EPB41L4A: variants seen among roughly 807,000 people sequenced by gnomAD.
EPB41L4A encodes the protein band 4.1-like protein 4A.
A neutral mutation model predicts 108.6 loss-of-function variants in EPB41L4A; 100 were observed. The ratio of observed to expected loss-of-function variants is 0.92; its 90% CI spans 0.78 to 1.09. The LOEUF (loss-of-function observed/expected upper bound fraction) is 1.09, where lower values mean the gene tolerates loss of function less well. Ranked by LOEUF, EPB41L4A falls within the 50% of genes least tolerant of loss-of-function variation. The probability of loss-of-function intolerance (pLI) is 0.00; values close to 1 mark genes in which losing one functional copy is unlikely to be tolerated. For synonymous variants in EPB41L4A, 319 were observed against 289.0 expected, an observed-to-expected ratio of 1.10 and a Z score of -1.05; for missense variants, 1,030 against 842.7, an observed-to-expected ratio of 1.22 and a Z score of -2.75.
At chr5:112,208,437 G>A (rs531274940) in intron 13 of EPB41L4A, among the ~76,000 whole-genome samples, 2 of 151,978 alleles carry the variant, frequency 1.3e-5, no homozygotes, top group Non-Finnish European at 2.9e-5. Flanking sequence ...CAACACGGAC[G>A]CAACTGGAGG....
chr5:112,234,650 T>G lies in EPB41L4A; in HGVS notation c.1071A>C (p.Ala357=). The G allele has an allele frequency of 1.2e-6, 2 of 1,613,442 alleles. 1 individual carries two copies. The highest frequency in any genetic ancestry group is 1.7e-6 in the Non-Finnish European group (2 of 1,179,506). The part of the protein sequence containing the change: ...SRSKTYPKRI[A]QTQPAESNSI... ...ATGACTTACCAGCTGGCTGTGTTTG[T>G]GCTATTCGCTTAGGGTAAGTCTTGC... Residue 357 remains alanine (A), a synonymous_variant, in exon 12 of 23, where the codon GCA becomes GCC. Coordinates refer to ENST00000261486, the MANE Select transcript of EPB41L4A (RefSeq NM_022140.5).
At chr5:112,370,183 CCTGT>C (rs1759398832) in intron 1 of EPB41L4A, among the ~76,000 whole-genome samples, 2 of 151,572 alleles carry the variant, frequency 1.3e-5, no homozygotes, top group South Asian at 2.1e-4. Flanking sequence ...CACCACCAAG[CCTGT>C]CTAATTTTTT....
At chr5:112,323,331 T>C (rs1355996636) in intron 1 of EPB41L4A, among the ~76,000 whole-genome samples, 1 of 152,200 alleles carries the variant, frequency 6.6e-6, no homozygotes, top group African/African-American at 2.4e-5. Flanking sequence ...GACACATGCC[T>C]AGGCTTGGTA....
intron 1 of EPB41L4A, among the ~76,000 whole-genome samples, chr5:112,320,237 G>T (rs994265979): frequency 2.0e-5 from 3 of 152,020 alleles, no homozygotes; most frequent in African/African-American, 7.3e-5. Flanking sequence ...CTTTTTCAGA[G>T]ACCAGTGAAG....
intron 9 of EPB41L4A, among the ~76,000 whole-genome samples, chr5:112,246,718 CTG>C (rs1750256896): frequency 6.6e-6 from 1 of 152,164 alleles, no homozygotes; most frequent in Non-Finnish European, 1.5e-5. Context: ...CCTATTTTGT[CTG>C]TGTTATCTGA....
chr5:112,378,798 G>A (rs192639536), intron 1 of EPB41L4A, among the ~76,000 whole-genome samples: 18 of 152,272 alleles, frequency 1.2e-4, no homozygotes, highest in East Asian at 1.2e-3. Flanking sequence ...ACATACAGTC[G>A]TTATTCCAGG....
intron 1 of EPB41L4A, among the ~76,000 whole-genome samples, chr5:112,379,074 A>G (rs1760001578): frequency 6.6e-6 from 1 of 152,204 alleles, no homozygotes; most frequent in African/African-American, 2.4e-5. Context: ...CACTGAGCTA[A>G]TATCAAATCA....
downstream of EPB41L4A, chr5:112,161,573 CTTAAA>C (rs781721166): frequency 3.9e-6 from 2 of 519,218 alleles, no homozygotes; most frequent in Non-Finnish European, 3.8e-6. Context: ...TTTTCCTGCC[CTTAAA>C]TTTGATACCT....
At chr5:112,269,006 A>G (rs2150470300) in intron 4 of EPB41L4A, among the ~76,000 whole-genome samples, 1 of 152,206 alleles carries the variant, frequency 6.6e-6, no homozygotes. Context: ...GCTGAAATAC[A>G]GACAAACACA....
chr5:112,261,131 A>G (rs1239218542), intron 7 of EPB41L4A, among the ~76,000 whole-genome samples: 4 of 152,266 alleles, frequency 2.6e-5, no homozygotes, highest in African/African-American at 9.6e-5. Flanking sequence ...CAGTTTTAGC[A>G]GTATTCTTAA....
chr5:112,402,805 T>C (rs1314789350), intron 1 of EPB41L4A, among the ~76,000 whole-genome samples: 1 of 152,178 alleles, frequency 6.6e-6, no homozygotes, highest in Non-Finnish European at 1.5e-5. Flanking sequence ...TACATACCTG[T>C]TTTCAGTACC....
chr5:112,405,640 G>A (rs528663376), intron 1 of EPB41L4A, among the ~76,000 whole-genome samples: 1 of 152,120 alleles, frequency 6.6e-6, no homozygotes, highest in African/African-American at 2.4e-5. Flanking sequence ...TTTAGATCTT[G>A]AAACAGAGCC....
intron 2 of EPB41L4A, among the ~76,000 whole-genome samples, chr5:112,305,442 C>T (rs1245614449): frequency 6.6e-6 from 1 of 152,096 alleles, no homozygotes; most frequent in Non-Finnish European, 1.5e-5. Flanking sequence ...GTTTTTAAGA[C>T]AAATGCTTCT....
exon 14 of EPB41L4A, chr5:112,142,701 T>G (rs1759112194): frequency 6.6e-6 from 1 of 152,244 alleles, no homozygotes; most frequent in African/African-American, 2.4e-5. Flanking sequence ...GTCAGAAGAT[T>G]AAGGCCCAAA....
At position 112,262,645 on chromosome 5, in the gene EPB41L4A, A is replaced by G; in HGVS notation, c.555-64T>C. On this transcript the variant is annotated intron_variant, in intron 6 of 22. Coordinates refer to ENST00000261486, the MANE Select transcript of EPB41L4A (RefSeq NM_022140.5). ...CAGCTACTGCACTTACAGGGATGCA[A>G]ACTATCTTCATTGTATTCAATGGGA... 2.4e-6 allele frequency: 3 copies of G among 1,251,978 alleles called. No individual in the cohort carries two copies. The South Asian group carries it at 3.7e-5, about 16-fold the overall frequency. The allele number at this position is 1,251,978 out of a possible 1,614,324, so 77.6% of individuals were successfully genotyped here. A position where few individuals can be genotyped will look rare whatever the true frequency, so the allele number is the denominator to read the frequency against.
At position 112,272,822 on chromosome 5, in the gene EPB41L4A, G is replaced by C. The variant is rs947423492; in HGVS notation, c.335+2504C>G. ...AAAGACTGGGTTAGATGGCGAAAGA[G>C]GCCATACAATATGTATGAAATAGTA... On this transcript the variant is annotated intron_variant, in intron 4 of 22. Coordinates refer to ENST00000261486, the MANE Select transcript of EPB41L4A (RefSeq NM_022140.5). 5.4e-5 allele frequency among the ~76,000 whole-genome samples: 8 copies of C among 146,914 alleles called. No individual in the cohort carries two copies. In the East Asian group the frequency reaches 1.6e-3, roughly 29 times the overall value.
rs1446333994 is a variant in EPB41L4A at position 112,205,477 on chromosome 5, G to A, written c.1206C>T (p.Ser402=). ...KSFKKAKNEN[S]PDTQRSKSHA... is the part of the protein sequence containing the mutation. ...GAGATTTGCTTCTTTGGGTATCAGG[G>A]CTATTTTCATTCTTTGCTTTCTTAA... The change falls in exon 14 of 23, where the codon AGC becomes AGT. Residue 402 remains serine (S), a synonymous_variant. Coordinates refer to ENST00000261486, the MANE Select transcript of EPB41L4A (RefSeq NM_022140.5). The A allele has an allele frequency of 1.9e-6, 3 of 1,611,980 alleles. No homozygotes were observed. The highest frequency in any genetic ancestry group is 2.5e-6 in the Non-Finnish European group (3 of 1,179,254).
intron 7 of EPB41L4A, among the ~76,000 whole-genome samples, chr5:112,261,064 A>G (rs1751454562): frequency 6.6e-6 from 1 of 152,200 alleles, no homozygotes; most frequent in African/African-American, 2.4e-5. Context: ...TAAAAACTGA[A>G]AACCTAACAA....
At chr5:112,332,699 G>A (rs552486700) in intron 1 of EPB41L4A, among the ~76,000 whole-genome samples, 10 of 152,014 alleles carry the variant, frequency 6.6e-5, no homozygotes, top group South Asian at 2.1e-4. Flanking sequence ...GCTAATTCTC[G>A]GAATAACAGA....
Sources: allele counts gnomAD v4.1 joint callset (sites outside exome capture counted in the v4.1 genomes callset), GRCh38; gene constraint gnomAD v4.1.1; transcripts MANE v1.5; gene names NCBI Gene and HGNC (gene_info 2026-07-23, HGNC 2026-07-21).